Variants in PIN4 observed in about 807,000 individuals in gnomAD.
PIN4 encodes the protein peptidyl-prolyl cis-trans isomerase NIMA-interacting 4.
A neutral mutation model predicts 8.3 loss-of-function variants in PIN4; 3 were observed. The observed-to-expected ratio is 0.36, with a 90% confidence interval of 0.16 to 0.93. The LOEUF (loss-of-function observed/expected upper bound fraction) is 0.93, where lower values mean the gene tolerates loss of function less well. Ranked by LOEUF, PIN4 falls within the 40% of genes least tolerant of loss-of-function variation. The pLI is 0.44. For synonymous variants in PIN4, 18 were observed against 32.5 expected (o/e 0.55, Z 1.52); for missense variants, 75 against 100.6 (o/e 0.75, Z 1.09).
At chrX:72,192,258 TTCG>T (rs1450796727) in intron 2 of PIN4, among the ~76,000 whole-genome samples, 1 of 111,346 alleles carries the variant, frequency 9.0e-6, no homozygotes, top group Non-Finnish European at 1.9e-5. Context: ...CAGTGTAAAT[TTCG>T]TATTTACATG....
chrX:72,237,318 G>C (rs1472661680), intron 3 of PIN4, among the ~76,000 whole-genome samples: 3 of 111,412 alleles, frequency 2.7e-5, no homozygotes, highest in African/African-American at 9.8e-5. Context: ...GCAACATGGC[G>C]AGACCCTGTC....
intron 3 of PIN4, among the ~76,000 whole-genome samples, chrX:72,257,308 G>A (rs188614841): frequency 0.06 from 6,654 of 110,590 alleles, 436 homozygotes; most frequent in African/African-American, 0.2. Context: ...GTGACAGAGC[G>A]AGATTCTGTC....
intron 3 of PIN4, among the ~76,000 whole-genome samples, chrX:72,262,187 CAA>C (rs777039982): frequency 8.9e-6 from 1 of 112,547 alleles, no homozygotes; most frequent in Admixed American, 9.4e-5. Flanking sequence ...GTCAGTTTGA[CAA>C]AGAGCTCTTA....
intron 2 of PIN4, among the ~76,000 whole-genome samples, chrX:72,188,436 C>T (rs1309901800): frequency 1.8e-5 from 2 of 111,027 alleles, no homozygotes; most frequent in East Asian, 2.8e-4. Context: ...CGGCTCACTG[C>T]GACCTCCGCC....
At chrX:72,233,146 A>G (rs2042995351) in intron 3 of PIN4, among the ~76,000 whole-genome samples, 1 of 111,605 alleles carries the variant, frequency 9.0e-6, no homozygotes, top group South Asian at 3.8e-4. Flanking sequence ...GAAAGTAGGA[A>G]AGTCAGATGT....
chrX:72,237,683 G>T (rs1211419570), intron 3 of PIN4: 1 of 110,181 alleles, frequency 9.1e-6, no homozygotes, highest in Non-Finnish European at 1.9e-5. Context: ...GATCGCATGA[G>T]CCCCGGGGGA....
chrX:72,212,092 T>C (rs1186943474), intron 3 of PIN4, among the ~76,000 whole-genome samples: 1 of 109,836 alleles, frequency 9.1e-6, no homozygotes, highest in Non-Finnish European at 1.9e-5. Flanking sequence ...CTGGCCAACA[T>C]GGTGAAACCC....
chrX:72,201,240 A>G (rs764323959), downstream of PIN4, among the ~76,000 whole-genome samples: 7 of 111,646 alleles, frequency 6.3e-5, no homozygotes, highest in South Asian at 2.6e-3. Context: ...GCTTAAAGTA[A>G]AATACATAGG....
At chrX:72,236,322 G>A (rs1274615115) in intron 3 of PIN4, among the ~76,000 whole-genome samples, 4 of 110,386 alleles carry the variant, frequency 3.6e-5, no homozygotes, top group East Asian at 5.7e-4. Context: ...TTTCTGAGAC[G>A]GAGTCTTGCT....
At chrX:72,220,173 A>G (rs763873066) in intron 3 of PIN4, among the ~76,000 whole-genome samples, 2 of 110,461 alleles carry the variant, frequency 1.8e-5, no homozygotes, top group South Asian at 3.8e-4. Context: ...TGATATGTCT[A>G]TTATCAAGCA....
intron 1 of PIN4, among the ~76,000 whole-genome samples, chrX:72,182,867 G>A (rs2042680928): frequency 9.0e-6 from 1 of 111,651 alleles, no homozygotes; most frequent in South Asian, 3.7e-4. Context: ...AGAATGGCAA[G>A]TGGTGAGAAT....
chrX:72,255,273 A>AAATAATAATAATAATAAT (rs760269851), intron 3 of PIN4, among the ~76,000 whole-genome samples: 1,443 of 96,353 alleles, frequency 0.015, 17 homozygotes, highest in East Asian at 0.1. Context: ...CCATCTCTAA[A>AAATAATAATAATAATAAT]AATAATAATA....
intron 3 of PIN4, among the ~76,000 whole-genome samples, chrX:72,250,715 CAATA>C (rs1223626924): frequency 7.0e-5 from 7 of 99,849 alleles, no homozygotes; most frequent in Non-Finnish European, 1.2e-4. Flanking sequence ...AACATAGTGA[CAATA>C]AATATTCTGG....
At chrX:72,259,540 CGCCAGGGA>C (rs1194273013) in intron 3 of PIN4, among the ~76,000 whole-genome samples, 1 of 108,778 alleles carries the variant, frequency 9.2e-6, no homozygotes, top group African/African-American at 3.4e-5. Context: ...TATTAATAGT[CGCCAGGGA>C]GTGTTCTAAT....
intron 3 of PIN4, chrX:72,238,909 C>A: frequency 8.4e-7 from 1 of 1,192,342 alleles, no homozygotes; most frequent in Non-Finnish European, 1.1e-6. Context: ...GGGATGCCTC[C>A]ATGACCCTCG....
intron 3 of PIN4, among the ~76,000 whole-genome samples, chrX:72,211,374 TA>T (rs1199553166): frequency 9.1e-6 from 1 of 110,417 alleles, no homozygotes; most frequent in African/African-American, 3.3e-5. Flanking sequence ...AGTGCTAGAG[TA>T]TGGGGTGAAA....
chrX:72,192,751 G>T (rs898302173), intron 2 of PIN4, among the ~76,000 whole-genome samples: 1 of 109,842 alleles, frequency 9.1e-6, no homozygotes, highest in Non-Finnish European at 1.9e-5. Context: ...GCACCACCAT[G>T]CCCGGCTAAT....
intron 3 of PIN4, among the ~76,000 whole-genome samples, chrX:72,214,580 G>A (rs1249440858): frequency 9.2e-6 from 1 of 108,628 alleles, no homozygotes; most frequent in African/African-American, 3.4e-5. Flanking sequence ...GGCAAAGGCA[G>A]GAGAATCATG....
chrX:72,202,608 C>G (rs1434394520), downstream of PIN4, among the ~76,000 whole-genome samples: 3 of 111,784 alleles, frequency 2.7e-5, no homozygotes, highest in Non-Finnish European at 5.6e-5. Context: ...AAATGGTAAG[C>G]TGAACTCAGA....
Sources: gnomAD v4.1 joint callset for allele counts (sites outside exome capture counted in the v4.1 genomes callset) on GRCh38, gnomAD v4.1.1 for gene constraint, MANE v1.5 for transcripts, NCBI Gene and HGNC (gene_info 2026-07-23, HGNC 2026-07-21) for gene names.